Variants in ABLIM2 observed in about 807,000 individuals in gnomAD.
ABLIM2 encodes the protein actin binding LIM protein family member 2.
A neutral mutation model predicts 97.7 loss-of-function variants in ABLIM2; 53 were observed. That is an observed-to-expected ratio of 0.54 (90% confidence interval 0.44 to 0.68). The LOEUF (loss-of-function observed/expected upper bound fraction) is 0.68, where lower values mean the gene tolerates loss of function less well. Among genes scored for constraint, ABLIM2 ranks in the 30% least tolerant of loss-of-function variants. The pLI, the probability that ABLIM2 is intolerant of heterozygous loss-of-function variation, is 0.00. For missense variants in ABLIM2, 835 were observed against 867.2 expected (o/e 0.96, Z 0.47); for synonymous variants, 361 against 345.8 (o/e 1.04, Z -0.49).
At chr4:8,118,112 G>A (rs73218476) in intron 1 of ABLIM2, among the ~76,000 whole-genome samples, 6,670 of 152,298 alleles carry the variant, frequency 0.044, 172 homozygotes, top group Middle Eastern at 0.095. Flanking sequence ...TGCCATCTGC[G>A]CAGGAAGGCT....
chr4:8,147,912 C>T lies in ABLIM2; in HGVS notation c.10+10768G>A, dbSNP rs1341695325. On this transcript the variant is annotated intron_variant, in intron 1 of 20. Coordinates refer to ENST00000447017, the MANE Select transcript of ABLIM2 (RefSeq NM_001130083.2). This position sits in a 1 kb window ranked among gnomAD's most constrained non-coding sequence, Gnocchi z 5.3. ...TCCCTGAGCGAGGCACGGACCTGCA[C>T]AAAACCCTTTCTTTAATGGGTGAAT... Among the ~76,000 whole-genome samples the T allele has an allele frequency of 1.3e-5, 2 of 152,360 alleles. No homozygotes were observed. The highest frequency in any genetic ancestry group is 3.9e-4 in the East Asian group (2 of 5,176).
rs1341679024 is a variant in ABLIM2 at position 8,148,737 on chromosome 4, C to T, written c.10+9943G>A. ...CCCAAACCACACAGGAACTCAGAGT[C>T]GGAAAGATCCTCTAGGACAAGCCCA... On this transcript the variant is annotated intron_variant, in intron 1 of 20. Transcript: ENST00000447017. This position sits in a 1 kb window ranked among gnomAD's most constrained non-coding sequence, Gnocchi z 6.7. Among the ~76,000 whole-genome samples, 2 of 152,178 alleles carry T rather than the reference C, an allele frequency of 1.3e-5. No individual in the cohort carries two copies. The highest frequency in any genetic ancestry group is 3.9e-4 in the East Asian group (2 of 5,190).
intron 1 of ABLIM2, among the ~76,000 whole-genome samples, chr4:8,133,029 A>AGGCTCTGG (rs898515374): frequency 2.0e-5 from 3 of 152,128 alleles, no homozygotes; most frequent in Non-Finnish European, 2.9e-5. Context: ...AGGACAACGC[A>AGGCTCTGG]GGCTCTGGGG....
intron 12 of ABLIM2, 173 bp from the exon 13 acceptor site, chr4:8,020,476 G>A (rs1347583553): frequency 1.4e-6 from 1 of 703,406 alleles, no homozygotes; most frequent in Non-Finnish European, 2.6e-6. Flanking sequence ...TTCCCAGACT[G>A]TGTCCAAGGA....
chr4:7,972,276 C>T (rs1285016786), intron 20 of ABLIM2, among the ~76,000 whole-genome samples: 1 of 152,336 alleles, frequency 6.6e-6, no homozygotes, highest in East Asian at 1.9e-4. Flanking sequence ...CTCTTCTCCA[C>T]TCCTCTGCTG....
At chr4:8,154,775 G>A (rs574588674) in intron 1 of ABLIM2, among the ~76,000 whole-genome samples, 7 of 152,322 alleles carry the variant, frequency 4.6e-5, no homozygotes, top group Non-Finnish European at 1.0e-4. Flanking sequence ...GTGGGCTCAC[G>A]TATTAGTCTG....
At chr4:8,076,201 G>A (rs535117165) in intron 6 of ABLIM2, among the ~76,000 whole-genome samples, 33 of 152,324 alleles carry the variant, frequency 2.2e-4, no homozygotes, top group African/African-American at 7.5e-4. Flanking sequence ...CCGTCTCCCC[G>A]CCAGGTAGAG....
In ABLIM2 at chr4:8,054,216, T is replaced by G; in HGVS notation, c.794A>C (p.Gln265Pro). The change falls in exon 8 of 21, where the codon CAA becomes CCA. Residue 265 changes from glutamine to proline, a missense_variant. Gln to Pro is a moderately conservative substitution (Grantham distance 76). Transcript: ENST00000447017. The surrounding 1 kb of genome is among the most constrained non-coding windows in gnomAD (Gnocchi z 4.9). ...GSSIWHPACR[Q>P]AARTEDRNKE... ...GTTTCTGTCTTCAGTTCTGGCTGCT[T>G]GTCGACACGCCGGATGCCAGATGGA... is the stretch of plus-strand genomic sequence containing the variant. The G allele has an allele frequency of 6.2e-7, 1 of 1,614,050 alleles. No individual in the cohort carries two copies. The highest frequency in any genetic ancestry group is 1.1e-5 in the South Asian group (1 of 91,086).
At chr4:8,129,729 G>A (rs1219276977) in intron 1 of ABLIM2, among the ~76,000 whole-genome samples, 1 of 145,178 alleles carries the variant, frequency 6.9e-6, no homozygotes, top group African/African-American at 2.9e-5. Flanking sequence ...AGACAGGTAT[G>A]CTCCCTCTCT....
At chr4:8,106,410 T>G in intron 2 of ABLIM2, 84 bp downstream of exon 2, 1 of 1,534,694 alleles carries the variant, frequency 6.5e-7, no homozygotes, top group South Asian at 1.2e-5. Context: ...CAGGCAGAGC[T>G]TCCCAGGAGG....
rs971288846 is a variant in ABLIM2, at chr4:8,095,646, G to A, written c.338+1453C>T. 2.0e-5 allele frequency among the ~76,000 whole-genome samples: 3 copies of A among 152,142 alleles called. No homozygotes were observed. The highest frequency in any genetic ancestry group is 4.4e-5 in the Non-Finnish European group (3 of 68,040). Reference sequence around the variant, plus strand: ...CGATCCTCCTACCTTGGCCTCCCGAGGTGCTGGATTACGGGTGTGAGCCTC... The same window carrying A: ...CGATCCTCCTACCTTGGCCTCCCGAAGTGCTGGATTACGGGTGTGAGCCTC... On this transcript the variant is annotated intron_variant, in intron 3 of 20. Coordinates refer to ENST00000447017, the MANE Select transcript of ABLIM2 (RefSeq NM_001130083.2). This position sits in a 1 kb window ranked among gnomAD's most constrained non-coding sequence, Gnocchi z 4.7.
rs760704452 is a variant in ABLIM2 at position 8,019,713 on chromosome 4, A to G, written c.1370-42T>C. On this transcript the variant is annotated intron_variant, in intron 13 of 20. Coordinates refer to ENST00000447017, the MANE Select transcript of ABLIM2 (RefSeq NM_001130083.2). The surrounding 1 kb of genome is among the most constrained non-coding windows in gnomAD (Gnocchi z 4.3). ...AAAAAAAAGGAGAGAACAGGAGGGT[A>G]AGCAGCAAGTTGTGATGGTTTCTGT... 1.3e-6 allele frequency: 2 copies of G among 1,564,398 alleles called. No homozygotes were observed. The highest frequency in any genetic ancestry group is 4.5e-5 in the East Asian group (2 of 44,560).
rs1812661706 is a variant in ABLIM2 at position 8,072,159 on chromosome 4, G to A, written c.675+5469C>T. The A allele has an allele frequency of 1.3e-6, 1 of 778,094 alleles. No homozygotes were observed. 48.2% of individuals were successfully genotyped at this position (778,094 alleles called of 1,614,324 possible). A position where few individuals can be genotyped will look rare whatever the true frequency, so the allele number is the denominator to read the frequency against. On this transcript the variant is annotated intron_variant, in intron 6 of 20. Coordinates refer to ENST00000447017, the MANE Select transcript of ABLIM2 (RefSeq NM_001130083.2). The surrounding 1 kb of genome is among the most constrained non-coding windows in gnomAD (Gnocchi z 5.8). ...AGGCCCTTTCTCCTCCACAGCAGAGGAGGAGGAAAAAACCCAGACCTGTTT... is the reference window on the plus strand; with the variant it reads ...AGGCCCTTTCTCCTCCACAGCAGAGAAGGAGGAAAAAACCCAGACCTGTTT...
At chr4:8,039,894 T>TTA (rs34998079) in intron 9 of ABLIM2, among the ~76,000 whole-genome samples, 2 of 145,624 alleles carry the variant, frequency 1.4e-5, no homozygotes, top group East Asian at 2.1e-4. Flanking sequence ...TTTTTTTTTT[T>TTA]TTAATAAATG....
At chr4:8,056,709 G>A (rs1390019569) in intron 7 of ABLIM2, among the ~76,000 whole-genome samples, 1 of 151,770 alleles carries the variant, frequency 6.6e-6, no homozygotes, top group Non-Finnish European at 1.5e-5. Flanking sequence ...GAGGCAGGCG[G>A]ATCACGAGGT....
intron 1 of ABLIM2, among the ~76,000 whole-genome samples, chr4:8,141,187 C>T (rs1447962632): frequency 6.6e-6 from 1 of 152,118 alleles, no homozygotes; most frequent in African/African-American, 2.4e-5. Context: ...TGGCCACCCC[C>T]TCTCCCCACC....
chr4:8,106,589 G>T lies in ABLIM2; in HGVS notation c.59C>A (p.Thr20Lys). The T allele has an allele frequency of 6.2e-7, 1 of 1,611,826 alleles. No individual in the cohort carries two copies. ...CCCACACGTGTTGCACAGGATCGCC[G>T]TGCTGGGCGACTTCTCCAGCGGGCT... ...APSPLEKSPS[T>K]AILCNTCGNV... is the part of the protein sequence containing the mutation. The change falls in exon 2 of 21, where the codon ACG (threonine) becomes AAG (lysine). Residue 20 changes from threonine to lysine, a missense_variant. Coordinates refer to ENST00000447017, the MANE Select transcript of ABLIM2 (RefSeq NM_001130083.2).
At position 8,149,524 on chromosome 4, in the gene ABLIM2, C is replaced by T. The variant is rs1474789402; in HGVS notation, c.10+9156G>A. 1.3e-5 allele frequency among the ~76,000 whole-genome samples: 2 copies of T among 151,762 alleles called. No individual in the cohort carries two copies. Among genetic ancestry groups the T allele is most frequent in the Non-Finnish European group, 2.9e-5 (2 of 67,962 alleles). On this transcript the variant is annotated intron_variant, in intron 1 of 20. Coordinates refer to ENST00000447017, the MANE Select transcript of ABLIM2 (RefSeq NM_001130083.2). This position sits in a 1 kb window ranked among gnomAD's most constrained non-coding sequence, Gnocchi z 6.4. ...TCAGAGGAAGGAGGGAAGCAGAGGG[C>T]CTAGAGATGGGAAGAAAGCTTCACA...
intron 2 of ABLIM2, among the ~76,000 whole-genome samples, chr4:8,103,672 C>T (rs17795569): frequency 0.21 from 31,218 of 152,242 alleles, 3,755 homozygotes; most frequent in Non-Finnish European, 0.27. Flanking sequence ...CTCATCCCAT[C>T]GCCTGTCGCT....
Sources: allele counts gnomAD v4.1 joint callset (sites outside exome capture counted in the v4.1 genomes callset), GRCh38; gene constraint gnomAD v4.1.1; non-coding constraint Gnocchi (gnomAD v3.1); transcripts MANE v1.5; gene names NCBI Gene and HGNC (gene_info 2026-07-23, HGNC 2026-07-21).